Variants in RYR3 observed in about 807,000 individuals in gnomAD.
RYR3 encodes ryanodine receptor 3.
In RYR3, 207 loss-of-function variants were observed where a neutral mutation model predicts 584.3. The ratio of observed to expected loss-of-function variants is 0.35; its 90% CI spans 0.32 to 0.40. RYR3 has a LOEUF of 0.40. Among genes scored for constraint, RYR3 ranks in the 10% least tolerant of loss-of-function variants. The pLI is 1.00. For synonymous variants in RYR3, 2,416 were observed against 2,248.5 expected (o/e 1.07, Z -2.11); for missense variants, 5,616 against 6,089.2 (o/e 0.92, Z 2.59).
At chr15:33,795,201 T>G (rs74008324) in intron 67 of RYR3, among the ~76,000 whole-genome samples, 3,026 of 152,210 alleles carry the variant, frequency 0.02, 103 homozygotes, top group African/African-American at 0.07. Flanking sequence ...GTGTAAAGTT[T>G]CTTCTGTGTC....
intron 1 of RYR3, among the ~76,000 whole-genome samples, chr15:33,323,017 ATTTATG>A (rs1324389992): frequency 6.6e-6 from 1 of 151,524 alleles, no homozygotes; most frequent in African/African-American, 2.4e-5. Flanking sequence ...TGAATTTGTC[ATTTATG>A]TTTGTAGAGC....
chr15:33,834,875 G>C, intron 86 of RYR3, 93 bp from the exon 87 acceptor site: 2 of 816,318 alleles, frequency 2.5e-6, no homozygotes, highest in Non-Finnish European at 4.0e-6. Flanking sequence ...AAGTCTATCT[G>C]CTCATATAAG....
chr15:33,584,281 G>A, intron 14 of RYR3, 114 bp from the exon 15 acceptor site: 2 of 595,340 alleles, frequency 3.4e-6, no homozygotes, highest in South Asian at 4.3e-5. Flanking sequence ...GGGTGAGATT[G>A]GCATTCAGTT....
intron 1 of RYR3, among the ~76,000 whole-genome samples, chr15:33,448,572 A>T (rs2046857215): frequency 6.6e-6 from 1 of 152,270 alleles, no homozygotes; most frequent in Admixed American, 6.5e-5. Flanking sequence ...TGTACATAAA[A>T]TAAAAAGTAT....
chr15:33,750,303 G>A lies in RYR3; in HGVS notation c.8399+17G>A. The A allele has an allele frequency of 6.2e-7, 1 of 1,608,854 alleles. No homozygotes were observed. Among genetic ancestry groups the A allele is most frequent in the Non-Finnish European group, 8.5e-7 (1 of 1,177,376 alleles). On this transcript the variant is annotated intron_variant, in intron 57 of 103. Coordinates refer to ENST00000634891, the MANE Select transcript of RYR3 (RefSeq NM_001036.6). ...AGTTTCCAGGTAAGTCACCTTCCAT[G>A]TGATGCTAGTGGGACAGGGCTGTGC...
intron 45 of RYR3, among the ~76,000 whole-genome samples, chr15:33,725,190 C>CACACACATATAT (rs2068282407): frequency 6.8e-6 from 1 of 147,620 alleles, no homozygotes; most frequent in South Asian, 2.1e-4. Context: ...CACACACACA[C>CACACACATATAT]ACACACACAC....
chr15:33,380,259 C>T (rs2041085930), intron 1 of RYR3, among the ~76,000 whole-genome samples: 1 of 152,138 alleles, frequency 6.6e-6, no homozygotes, highest in Admixed American at 6.6e-5. Context: ...AAATTGGTAA[C>T]TCTAAGGTCC....
chr15:33,726,340 G>A (rs377296437), intron 45 of RYR3, 46 bp from the exon 46 acceptor site: 1 of 1,607,572 alleles, frequency 6.2e-7, no homozygotes, highest in African/African-American at 1.3e-5. Context: ...GGAGGGAGGT[G>A]TGGGAACCTC....
At chr15:33,356,001 G>A (rs1182027484) in intron 1 of RYR3, among the ~76,000 whole-genome samples, 1 of 152,190 alleles carries the variant, frequency 6.6e-6, no homozygotes, top group Non-Finnish European at 1.5e-5. Context: ...ACCTTCAGCT[G>A]TAGGACATTC....
At chr15:33,781,638 A>G (rs2074384468) in intron 65 of RYR3, among the ~76,000 whole-genome samples, 1 of 152,204 alleles carries the variant, frequency 6.6e-6, no homozygotes, top group Non-Finnish European at 1.5e-5. Context: ...ATTGCCCCCC[A>G]GAAATGATCA....
intron 42 of RYR3, among the ~76,000 whole-genome samples, chr15:33,703,223 T>A (rs2066435072): frequency 6.6e-6 from 1 of 152,222 alleles, no homozygotes; most frequent in Non-Finnish European, 1.5e-5. Context: ...TGAGGGCCTA[T>A]CATGAACCAG....
At chr15:33,834,285 AACACACACACACAC>A (rs61059288) in intron 86 of RYR3, among the ~76,000 whole-genome samples, 5 of 136,948 alleles carry the variant, frequency 3.7e-5, no homozygotes, top group South Asian at 2.4e-4. Flanking sequence ...ATCTGTCTTA[AACACACACACACAC>A]ACACACACAC....
Position 33,388,558 on chromosome 15 carries a change from A to G in RYR3, c.51+77462A>G, listed in dbSNP as rs143961860. 4.1e-3 allele frequency among the ~76,000 whole-genome samples: 624 copies of G among 152,314 alleles called. 2 individuals are homozygous for G. Among genetic ancestry groups the G allele is most frequent in the Non-Finnish European group, 7.3e-3 (495 of 68,020 alleles). ...GATCATATAAGGAAGCAATACAAACATTGCAAGAATGAAGACAAGGACAAG... is the reference window on the plus strand; with the variant it reads ...GATCATATAAGGAAGCAATACAAACGTTGCAAGAATGAAGACAAGGACAAG... On this transcript the variant is annotated intron_variant, in intron 1 of 103. Transcript: ENST00000634891.
intron 37 of RYR3, among the ~76,000 whole-genome samples, 158 bp from the exon 38 acceptor site, chr15:33,670,261 A>G (rs1291673413): frequency 2.0e-5 from 3 of 152,154 alleles, no homozygotes; most frequent in Non-Finnish European, 4.4e-5. Flanking sequence ...AAAAGCTATA[A>G]GATAGGTAAC....
intron 1 of RYR3, among the ~76,000 whole-genome samples, chr15:33,403,645 CTAAAT>C (rs1290776640): frequency 1.3e-5 from 2 of 151,878 alleles, no homozygotes; most frequent in Non-Finnish European, 2.9e-5. Flanking sequence ...ATTCATTAAT[CTAAAT>C]TAATGTAATT....
rs1231736417 is a variant in RYR3, at chr15:33,311,993, C to T, written c.51+897C>T. ...CCTAGCGCTGACTTCAGCCAAGTGA[C>T]CTTGAGCAAGTCGCATAATCCGCCC... On this transcript the variant is annotated intron_variant, in intron 1 of 103. Coordinates refer to ENST00000634891, the MANE Select transcript of RYR3 (RefSeq NM_001036.6). The surrounding 1 kb of genome is among the most constrained non-coding windows in gnomAD (Gnocchi z 4.4). Among the ~76,000 whole-genome samples, 1 of 152,256 alleles carries T rather than the reference C, an allele frequency of 6.6e-6. No homozygotes were observed. Among genetic ancestry groups the T allele is most frequent in the Middle Eastern group, 3.2e-3 (1 of 316 alleles).
chr15:33,704,243 C>T (rs1027247515), intron 42 of RYR3, among the ~76,000 whole-genome samples: 2 of 148,066 alleles, frequency 1.4e-5, no homozygotes, highest in Middle Eastern at 3.5e-3. Flanking sequence ...CACTGCACTC[C>T]AGCCTGGGAG....
At chr15:33,471,608 A>G (rs916743801) in intron 1 of RYR3, among the ~76,000 whole-genome samples, 2 of 151,974 alleles carry the variant, frequency 1.3e-5, no homozygotes, top group African/African-American at 4.8e-5. Context: ...AAAAAAAAAA[A>G]AAAATCCATA....
At chr15:33,374,359 AGTGTAT>A (rs1268382544) in intron 1 of RYR3, among the ~76,000 whole-genome samples, 5 of 128,552 alleles carry the variant, frequency 3.9e-5, no homozygotes, top group Non-Finnish European at 8.2e-5. Context: ...TTCCTGTACG[AGTGTAT>A]GTGTGTGTGT....
Sources: gnomAD v4.1 joint callset for allele counts (sites outside exome capture counted in the v4.1 genomes callset) on GRCh38, gnomAD v4.1.1 for gene constraint, Gnocchi (gnomAD v3.1) non-coding constraint, MANE v1.5 for transcripts, NCBI Gene and HGNC (gene_info 2026-07-23, HGNC 2026-07-21) for gene names.